The following SPEN variants were observed in gnomAD, a reference collection of about 807,000 sequenced individuals.
SPEN encodes msx2-interacting protein.
Under a neutral mutation model 269.9 loss-of-function variants are expected in SPEN, and 18 were observed. That is an observed-to-expected ratio of 0.07 (90% CI 0.05 to 0.10). The LOEUF (loss-of-function observed/expected upper bound fraction) is 0.10. Ranked by LOEUF, SPEN falls within the 10% of genes least tolerant of loss-of-function variation. SPEN has a pLI of 1.00. For synonymous variants in SPEN, 1,726 were observed against 1,765.7 expected (o/e 0.98, Z 0.56); for missense variants, 3,822 against 4,631.2 (o/e 0.83, Z 5.07).
At chr1:15,855,672 G>A in intron 1 of SPEN, among the ~76,000 whole-genome samples, 1 of 151,926 alleles carries the variant, frequency 6.6e-6, no homozygotes, top group East Asian at 1.9e-4. Flanking sequence ...GACGAGCCTG[G>A]CCAACATGGT....
chr1:15,884,750 TTA>T (rs2070720576), intron 3 of SPEN, among the ~76,000 whole-genome samples: 1 of 151,872 alleles, frequency 6.6e-6, no homozygotes, highest in Non-Finnish European at 1.5e-5. Context: ...TTTTTTTTTT[TTA>T]AAGGCAGAGT....
Position 15,932,669 on chromosome 1 carries a change from T to C in SPEN, c.6429T>C (p.Asp2143=). The part of the protein sequence containing the change: ...LSSQLKSDPV[D]PDKEPEKEDV... ...CCCAGTTGAAAAGTGATCCAGTTGA[T>C]CCAGACAAGGAACCAGAGAAAGAAG... The change falls in exon 11 of 15, where the codon GAT becomes GAC. Residue 2143 remains aspartate, a synonymous_variant. Coordinates refer to ENST00000375759, the MANE Select transcript of SPEN (RefSeq NM_015001.3). This position sits in a 1 kb window ranked among gnomAD's most constrained non-coding sequence, Gnocchi z 4.2. The C allele has an allele frequency of 6.2e-7, 1 of 1,613,894 alleles. No individual in the cohort carries two copies. The highest frequency in any genetic ancestry group is 8.5e-7 in the Non-Finnish European group (1 of 1,179,922).
chr1:15,907,512 A>G (rs1052776227), intron 3 of SPEN, among the ~76,000 whole-genome samples: 2 of 152,144 alleles, frequency 1.3e-5, no homozygotes, highest in African/African-American at 4.8e-5. Context: ...ATTTTTTTCA[A>G]CCTAAACTTG....
At position 15,934,450 on chromosome 1, in the gene SPEN, G is replaced by A; in HGVS notation, c.8210G>A (p.Ser2737Asn). 1 of 1,614,040 alleles carries A rather than the reference G, an allele frequency of 6.2e-7. No individual in the cohort carries two copies. The highest frequency in any genetic ancestry group is 8.5e-7 in the Non-Finnish European group (1 of 1,180,048). The stretch of plus-strand genomic sequence containing the variant: ...GCGAGTGCAGTGAATGCCACAGCAA[G>A]TGCAGTGACCGTCACAGCGGGTGCG... ...AAASAVNATA[S>N]AVTVTAGAVT... is the part of the protein sequence containing the mutation. Residue 2737 changes from serine (S) to asparagine (N), a missense_variant, in exon 11 of 15, where the codon AGT becomes AAT. Physicochemically the swap from Ser to Asn is conservative, Grantham distance 46. Around this residue, in one of 16 missense-constraint regions of SPEN, gnomAD observed 329 missense variants for 431.2 expected, o/e 0.76. Transcript: ENST00000375759. This position sits in a 1 kb window ranked among gnomAD's most constrained non-coding sequence, Gnocchi z 9.2.
At position 15,934,852 on chromosome 1, in the gene SPEN, C is replaced by T. The variant is rs1570069776; in HGVS notation, c.8612C>T (p.Pro2871Leu). ...VTASQPPSKG[P>L]QAPAGYANVA... is the part of the protein sequence containing the mutation. ...GCATCGCAGCCTCCATCCAAAGGCC[C>T]TCAAGCTCCTGCAGGCTATGCGAAC... The change falls in exon 11 of 15, where the codon CCT (proline) becomes CTT (leucine). Residue 2871 changes from proline to leucine, a missense_variant. This residue lies in a region of SPEN where 329 missense variants were observed against 431.2 expected (regional missense o/e 0.76). Transcript: ENST00000375759. This position sits in a 1 kb window ranked among gnomAD's most constrained non-coding sequence, Gnocchi z 9.2. The T allele has an allele frequency of 6.2e-7, 1 of 1,614,086 alleles. No homozygotes were observed. The highest frequency in any genetic ancestry group is 1.1e-5 in the South Asian group (1 of 91,090).
Position 15,873,063 on chromosome 1 carries a change from G to A in SPEN, c.331G>A (p.Gly111Ser). 6.2e-7 allele frequency: 1 copy of A among 1,614,136 alleles called. No homozygotes were observed. The highest frequency in any genetic ancestry group is 8.5e-7 in the Non-Finnish European group (1 of 1,180,024). The stretch of plus-strand genomic sequence containing the variant: ...AGAGGTTTCTGGGTTCAGAGGAGGT[G>A]GTGGAGGGCCTGCTTATGGTCCCCC... ...SREVSGFRGG[G>S]GGPAYGPPPS... Residue 111 changes from glycine to serine, a missense_variant, in exon 2 of 15, where the codon GGT becomes AGT. Gly to Ser is a moderately conservative substitution (Grantham distance 56). Around this residue, in one of 16 missense-constraint regions of SPEN, gnomAD observed 327 missense variants for 350.8 expected, o/e 0.93. Coordinates refer to ENST00000375759, the MANE Select transcript of SPEN (RefSeq NM_015001.3).
intron 3 of SPEN, among the ~76,000 whole-genome samples, chr1:15,893,963 G>A (rs1044381885): frequency 1.3e-5 from 2 of 152,138 alleles, no homozygotes; most frequent in Non-Finnish European, 2.9e-5. Context: ...CTTGAACCCA[G>A]GAAATGGAGG....
At position 15,848,220 on chromosome 1, in the gene SPEN, C is replaced by A. The variant is rs571106313; in HGVS notation, c.83+70C>A. 5.1e-6 allele frequency: 6 copies of A among 1,176,274 alleles called. No homozygotes were observed. The East Asian group carries it at 1.0e-4, about 20-fold the overall frequency. The allele number at this position is 1,176,274 out of a possible 1,614,324, so 72.9% of individuals were successfully genotyped here. ...GCTTCCCGCCCCGGCCCGTTGCCGG[C>A]CCCTCCCGGAGCGCGGAGCTGGTGA... On this transcript the variant is annotated intron_variant, in intron 1 of 14. Transcript: ENST00000375759. This position sits in a 1 kb window ranked among gnomAD's most constrained non-coding sequence, Gnocchi z 5.1.
At position 15,935,211 on chromosome 1, in the gene SPEN, C is replaced by T. The variant is rs376005033; in HGVS notation, c.8971C>T (p.Pro2991Ser). 6.8e-6 allele frequency: 11 copies of T among 1,614,038 alleles called. No individual in the cohort carries two copies. In the African/African-American group the frequency reaches 1.3e-4, roughly 20 times the overall value. ...TLTPHHPPALPSKLPTEVNHV... is the reference protein window; with the variant it reads ...TLTPHHPPALSSKLPTEVNHV... Reference sequence around the variant, plus strand: ...CACGCCCCACCACCCTCCTGCTCTGCCCAGCAAACTGCCTACAGAAGTCAA... The same window carrying T: ...CACGCCCCACCACCCTCCTGCTCTGTCCAGCAAACTGCCTACAGAAGTCAA... Residue 2991 changes from proline (P) to serine (S), a missense_variant, in exon 11 of 15, where the codon CCC becomes TCC. By Grantham distance (74) the Pro-to-Ser change is moderately conservative (BLOSUM62 -1). Around this residue, in one of 16 missense-constraint regions of SPEN, gnomAD observed 94 missense variants for 90.4 expected, o/e 1.04. Coordinates refer to ENST00000375759, the MANE Select transcript of SPEN (RefSeq NM_015001.3). This position sits in a 1 kb window ranked among gnomAD's most constrained non-coding sequence, Gnocchi z 7.7.
intron 1 of SPEN, among the ~76,000 whole-genome samples, chr1:15,858,159 G>T (rs2070405967): frequency 6.6e-6 from 1 of 151,702 alleles, no homozygotes; most frequent in Non-Finnish European, 1.5e-5. Context: ...TCACTATGTT[G>T]CCTAGGCTGG....
intron 3 of SPEN, 159 bp downstream of exon 3, chr1:15,876,837 C>A (rs1318371773): frequency 3.1e-6 from 2 of 654,458 alleles, no homozygotes; most frequent in Non-Finnish European, 5.3e-6. Flanking sequence ...ATTGAATTAA[C>A]TGTTCTAAGT....
intron 13 of SPEN, 21 bp downstream of exon 13, chr1:15,938,027 T>G: frequency 6.3e-7 from 1 of 1,577,920 alleles, no homozygotes; most frequent in South Asian, 1.1e-5. Flanking sequence ...CAGGCCCAGG[T>G]GAGCAACTGC....
intron 1 of SPEN, among the ~76,000 whole-genome samples, chr1:15,871,243 C>T (rs1274315967): frequency 6.6e-6 from 1 of 152,202 alleles, no homozygotes; most frequent in Non-Finnish European, 1.5e-5. Flanking sequence ...GCTGGGATTT[C>T]AGGCTTGAGC....
chr1:15,920,130 C>T (rs886153356), intron 8 of SPEN, among the ~76,000 whole-genome samples: 3 of 151,964 alleles, frequency 2.0e-5, no homozygotes, highest in Non-Finnish European at 2.9e-5. Context: ...AGTGCAGCGG[C>T]GGGATCTCAG....
intron 3 of SPEN, among the ~76,000 whole-genome samples, chr1:15,880,930 G>T (rs1451748643): frequency 6.6e-6 from 1 of 152,274 alleles, no homozygotes; most frequent in African/African-American, 2.4e-5. Context: ...AACAACCTGA[G>T]GTGGAAGGAT....
intron 3 of SPEN, among the ~76,000 whole-genome samples, chr1:15,907,698 G>A (rs2070973167): frequency 6.7e-6 from 1 of 150,194 alleles, no homozygotes; most frequent in Non-Finnish European, 1.5e-5. Context: ...AGAATATGAA[G>A]CAAAATTTCA....
intron 1 of SPEN, among the ~76,000 whole-genome samples, chr1:15,852,619 C>T (rs925303805): frequency 6.6e-6 from 1 of 152,070 alleles, no homozygotes; most frequent in Non-Finnish European, 1.5e-5. Flanking sequence ...TTTCTAACTA[C>T]CTTTGTTGCA....
rs754491475 is a variant in SPEN at position 15,935,551 on chromosome 1, C to T, written c.9311C>T (p.Thr3104Met). 61 of 1,613,952 alleles carry T rather than the reference C, an allele frequency of 3.8e-5. No individual in the cohort carries two copies. The highest frequency in any genetic ancestry group is 6.7e-5 in the Admixed American group (4 of 60,004). The change falls in exon 11 of 15, where the codon ACG (threonine) becomes ATG (methionine). Residue 3104 changes from threonine (T) to methionine (M), a missense_variant. Physicochemically the swap from Thr to Met is moderately conservative, Grantham distance 81 (BLOSUM62 -1). Around this residue, in one of 16 missense-constraint regions of SPEN, gnomAD observed 153 missense variants for 228.5 expected, o/e 0.67. Transcript: ENST00000375759. This position sits in a 1 kb window ranked among gnomAD's most constrained non-coding sequence, Gnocchi z 7.7. ...GGCGAGGTGAGAATGAACACTCCCA[C>T]GCTGCCCAGTATCACCTACAGCATC... ...SQGEVRMNTP[T>M]LPSITYSIRP...
intron 3 of SPEN, among the ~76,000 whole-genome samples, chr1:15,905,534 A>G (rs1218354274): frequency 6.6e-6 from 1 of 150,438 alleles, no homozygotes; most frequent in African/African-American, 2.4e-5. Context: ...CATTTTTATA[A>G]TACAAACTTG....
Sources: allele counts gnomAD v4.1 joint callset (sites outside exome capture counted in the v4.1 genomes callset), GRCh38; gene constraint gnomAD v4.1.1; regional missense constraint gnomAD v4.1.1; non-coding constraint Gnocchi (gnomAD v3.1); transcripts MANE v1.5; gene names NCBI Gene and HGNC (gene_info 2026-07-23, HGNC 2026-07-21).